RABGEF1: variants seen among roughly 807,000 people sequenced by gnomAD.
The protein encoded by RABGEF1 is rab5 GDP/GTP exchange factor.
A neutral mutation model predicts 57.3 loss-of-function variants in RABGEF1; 26 were observed. That is an observed-to-expected ratio of 0.45 (90% CI 0.33 to 0.63). The LOEUF is 0.63. Among genes scored for constraint, RABGEF1 ranks in the 20% least tolerant of loss-of-function variants. The probability of loss-of-function intolerance (pLI) is 0.02; values close to 1 mark genes in which losing one functional copy is unlikely to be tolerated. For synonymous variants in RABGEF1, 185 were observed against 210.7 expected, an observed-to-expected ratio of 0.88 and a Z score of 1.06; for missense variants, 464 against 607.6, an observed-to-expected ratio of 0.76 and a Z score of 2.48.
chr7:66,786,353 G>T (rs936785976), intron 4 of RABGEF1, among the ~76,000 whole-genome samples: 4 of 152,128 alleles, frequency 2.6e-5, no homozygotes, highest in African/African-American at 9.7e-5. Flanking sequence ...CTGCAGTATG[G>T]CAGTATAATG....
At chr7:66,803,672 C>T (rs1787791960) in intron 7 of RABGEF1, among the ~76,000 whole-genome samples, 1 of 152,010 alleles carries the variant, frequency 6.6e-6, no homozygotes, top group South Asian at 2.1e-4. Flanking sequence ...GGGCGGATCA[C>T]GAGGTCAGGA....
At chr7:66,739,427 G>A (rs1224961813), upstream of RABGEF1, among the ~76,000 whole-genome samples, 2 of 151,078 alleles carry the variant, frequency 1.3e-5, no homozygotes, top group Non-Finnish European at 3.0e-5. Context: ...AGCCAAGGTG[G>A]GCGGATCACT....
intron 1 of RABGEF1, among the ~76,000 whole-genome samples, chr7:66,755,599 A>G (rs1474671761): frequency 6.6e-6 from 1 of 152,228 alleles, no homozygotes; most frequent in Non-Finnish European, 1.5e-5. Flanking sequence ...TCAGTAACTT[A>G]GTGAATAAAT....
chr7:66,736,289 A>G (rs28375318), upstream of RABGEF1, among the ~76,000 whole-genome samples: 15,963 of 152,174 alleles, frequency 0.1, 911 homozygotes, highest in Non-Finnish European at 0.11. Flanking sequence ...GAGAGAGGAG[A>G]AACAAGGATG....
chr7:66,737,865 G>A (rs988406671), upstream of RABGEF1, among the ~76,000 whole-genome samples: 2 of 152,074 alleles, frequency 1.3e-5, no homozygotes, highest in Non-Finnish European at 2.9e-5. Flanking sequence ...GTGTCAGGAG[G>A]GTCTTCCCTC....
intron 1 of RABGEF1, among the ~76,000 whole-genome samples, chr7:66,753,752 G>A (rs1201803425): frequency 1.5e-5 from 2 of 137,624 alleles, no homozygotes; most frequent in Non-Finnish European, 3.0e-5. Context: ...TGTCACCTGG[G>A]CTGGTGTGCA....
At chr7:66,703,281 G>A (rs1176739372) in intron 1 of RABGEF1, among the ~76,000 whole-genome samples, 1 of 152,068 alleles carries the variant, frequency 6.6e-6, no homozygotes, top group Non-Finnish European at 1.5e-5. Flanking sequence ...CTGTATGTAA[G>A]TTTTTTATTT....
Position 66,689,039 on chromosome 7 carries a change from G to A in RABGEF1, c.-873+6781G>A, listed in dbSNP as rs186643075. Among the ~76,000 whole-genome samples the A allele has an allele frequency of 2.2e-3, 342 of 152,220 alleles. 1 individual carries two copies. Among genetic ancestry groups the A allele is most frequent in the Middle Eastern group, 3.4e-3 (1 of 294 alleles). ...ACCTGGGAGAGGGAGGTTGCAGTGA[G>A]CCGAGATTGCACCACTGCATTCCAG... On this transcript the variant is annotated intron_variant and NMD_transcript_variant, in intron 1 of 9. Coordinates refer to the RABGEF1 transcript ENST00000607882.
intron 1 of RABGEF1, among the ~76,000 whole-genome samples, chr7:66,769,224 GC>G (rs959069140): frequency 7.9e-5 from 12 of 152,164 alleles, no homozygotes; most frequent in Non-Finnish European, 1.6e-4. Flanking sequence ...TCTCCATTTT[GC>G]TTTTCAGAAT....
At chr7:66,707,552 G>C (rs555272499) in intron 1 of RABGEF1, among the ~76,000 whole-genome samples, 11 of 152,274 alleles carry the variant, frequency 7.2e-5, no homozygotes, top group Admixed American at 7.2e-4. Flanking sequence ...GCCAGTCGTG[G>C]TGGCACACAC....
chr7:66,773,713 T>C (rs1250950766), intron 2 of RABGEF1: 1 of 453,960 alleles, frequency 2.2e-6, no homozygotes, highest in Non-Finnish European at 4.4e-6. Context: ...TTACCCTGGC[T>C]GGAGTGCAAT....
chr7:66,658,660 A>G, the RABGEF1 span, among the ~76,000 whole-genome samples: 600 of 152,332 alleles, frequency 3.9e-3, 1 homozygote, highest in African/African-American at 0.012. Flanking sequence ...AGTGAATTCT[A>G]CCAGACATTT....
At chr7:66,732,273 G>C (rs1194203126) in intron 2 of RABGEF1, among the ~76,000 whole-genome samples, 2 of 152,222 alleles carry the variant, frequency 1.3e-5, no homozygotes, top group Non-Finnish European at 1.5e-5. Context: ...CTGGCGTCTG[G>C]ACACGGAGCC....
At chr7:66,684,717 C>G (rs1368653484) in intron 1 of RABGEF1, among the ~76,000 whole-genome samples, 3 of 152,124 alleles carry the variant, frequency 2.0e-5, no homozygotes, top group African/African-American at 7.2e-5. Flanking sequence ...TCACTGCAAG[C>G]TCCGCCTCCA....
At position 66,751,024 on chromosome 7, in the gene RABGEF1, CTTT is replaced by C. The variant is rs1194386425; in HGVS notation, c.-18+10237_-18+10239del. Among the ~76,000 whole-genome samples the C allele has an allele frequency of 2.8e-5, 4 of 142,100 alleles. No individual in the cohort carries two copies. The East Asian group carries it at 8.4e-4, about 30-fold the overall frequency. 93.2% of individuals were successfully genotyped at this position (142,100 alleles called of 152,430 possible). On this transcript the variant is annotated intron_variant, in intron 1 of 8. Transcript: ENST00000284957. ...TTCTTAATCTTTTTATGTTTTCCCT[CTTT>C]TTTTCTTTTTTTTTTTTTTGAGACG...
the RABGEF1 span, among the ~76,000 whole-genome samples, chr7:66,661,750 A>G: frequency 3.9e-5 from 6 of 152,242 alleles, no homozygotes; most frequent in Non-Finnish European, 8.8e-5. Context: ...AGAGGAGGAA[A>G]TACTTTCTAA....
intron 4 of RABGEF1, among the ~76,000 whole-genome samples, chr7:66,788,449 AAAAC>A (rs1407281294): frequency 6.6e-6 from 1 of 151,172 alleles, no homozygotes; most frequent in Non-Finnish European, 1.5e-5. Flanking sequence ...ATCTCAAAAA[AAAAC>A]AAAAAACAAA....
chr7:66,696,403 C>T (rs1182333189), intron 1 of RABGEF1, among the ~76,000 whole-genome samples: 5 of 151,668 alleles, frequency 3.3e-5, no homozygotes, highest in Non-Finnish European at 5.9e-5. Flanking sequence ...GAAAGTGGAC[C>T]GTGGGGCTGG....
At chr7:66,764,708 GAA>G (rs1387155695) in intron 1 of RABGEF1, among the ~76,000 whole-genome samples, 2 of 152,154 alleles carry the variant, frequency 1.3e-5, no homozygotes, top group African/African-American at 4.8e-5. Flanking sequence ...ACTATTTGGT[GAA>G]AAGACTCTTC....
Sources: gnomAD v4.1 joint callset for allele counts (sites outside exome capture counted in the v4.1 genomes callset) on GRCh38, gnomAD v4.1.1 for gene constraint, MANE v1.5 for transcripts, NCBI Gene and HGNC (gene_info 2026-07-23, HGNC 2026-07-21) for gene names.